The following IFFO1 variants were observed in gnomAD, a reference collection of about 807,000 sequenced individuals.
IFFO1 encodes the protein non-homologous end joining factor IFFO1.
Under a neutral mutation model 59.6 loss-of-function variants are expected in IFFO1, and 42 were observed. The ratio of observed to expected loss-of-function variants is 0.70; its 90% CI spans 0.55 to 0.91. The LOEUF (loss-of-function observed/expected upper bound fraction) is 0.91, where lower values mean the gene tolerates loss of function less well. Among genes scored for constraint, IFFO1 ranks in the 40% least tolerant of loss-of-function variants. IFFO1 has a pLI of 0.00. For missense variants in IFFO1, 711 were observed against 793.2 expected (o/e 0.90, Z 1.24); for synonymous variants, 336 against 342.8 (o/e 0.98, Z 0.22).
chr12:6,547,779 A>AG (rs747155960), intron 8 of IFFO1, among the ~76,000 whole-genome samples: 5 of 151,348 alleles, frequency 3.3e-5, no homozygotes, highest in South Asian at 2.1e-4. Flanking sequence ...AAGGAAGGAA[A>AG]GAAAGGAAAG....
chr12:6,555,170 C>A lies in IFFO1; in HGVS notation c.773+87G>T. 3.0e-6 allele frequency: 4 copies of A among 1,324,586 alleles called. No individual in the cohort carries two copies. The highest frequency in any genetic ancestry group is 4.4e-6 in the Non-Finnish European group (4 of 918,422). 82.1% of individuals were successfully genotyped at this position (1,324,586 alleles called of 1,614,324 possible). A position where few individuals can be genotyped will look rare whatever the true frequency, so the allele number is the denominator to read the frequency against. ...CAAACTTTACTCTCATTCTTTTCAC[C>A]CCTGATTCTTCGGAACCCACACCAA... On this transcript the variant is annotated intron_variant, in intron 1 of 9. Transcript: ENST00000619571. The surrounding 1 kb of genome is among the most constrained non-coding windows in gnomAD (Gnocchi z 8.6).
rs1947133090 is a variant in IFFO1, at chr12:6,549,401, CTG to C, written c.1080+73_1080+74del. 6 of 1,569,274 alleles carry C rather than the reference CTG, an allele frequency of 3.8e-6. No homozygotes were observed. In the South Asian group the frequency reaches 5.6e-5, roughly 15 times the overall value. ...TGCTCAAGAGCCCAGCGGGCCCAAA[CTG>C]AGGGCCAGGAGGCCTAGGCAGCTTA... On this transcript the variant is annotated intron_variant, in intron 5 of 9. Coordinates refer to ENST00000619571, the MANE Select transcript of IFFO1 (RefSeq NM_001193457.2). This position sits in a 1 kb window ranked among gnomAD's most constrained non-coding sequence, Gnocchi z 5.0.
At chr12:6,542,527 G>C (rs1389747191) in intron 8 of IFFO1, among the ~76,000 whole-genome samples, 1 of 152,226 alleles carries the variant, frequency 6.6e-6, no homozygotes, top group Non-Finnish European at 1.5e-5. Flanking sequence ...AAGAGAACGG[G>C]GAGGATACCA....
At position 6,540,564 on chromosome 12, in the gene IFFO1, G is replaced by A. The variant is rs1946659971; in HGVS notation, c.1635C>T (p.Val545=). Residue 545 remains valine, a synonymous_variant, in exon 10 of 10, where the codon GTC becomes GTT. Transcript: ENST00000619571. ...GDRKSPAFTA[V]PLSDPPPPPS... The stretch of plus-strand genomic sequence containing the variant: ...GCGGCGGCGGCGGGTCGCTAAGCGG[G>A]ACCGCAGTGAAAGCAGGAGACTTTC... The A allele has an allele frequency of 3.1e-6, 5 of 1,613,862 alleles. No individual in the cohort carries two copies. The highest frequency in any genetic ancestry group is 4.2e-6 in the Non-Finnish European group (5 of 1,179,994).
rs894141666 is a variant in IFFO1 at position 6,548,272 on chromosome 12, GGAGA to G, written c.1384-116_1384-113del. 348 of 1,352,896 alleles carry G rather than the reference GGAGA, an allele frequency of 2.6e-4. 3 individuals are homozygous for G. In the South Asian group the frequency reaches 2.6e-3, roughly 10 times the overall value. The allele number at this position is 1,352,896 out of a possible 1,614,324, so 83.8% of individuals were successfully genotyped here. On this transcript the variant is annotated intron_variant, in intron 7 of 9. Transcript: ENST00000619571. This position sits in a 1 kb window ranked among gnomAD's most constrained non-coding sequence, Gnocchi z 6.1. Reference sequence around the variant, plus strand: ...GAGAGGAAGTCTGGTTAAAGAAACTGGAGAAAGAAAAGCAAAAGGATAAAGGAAG... The same window carrying G: ...GAGAGGAAGTCTGGTTAAAGAAACTGAAGAAAAGCAAAAGGATAAAGGAAG...
In IFFO1 at chr12:6,548,713, G is replaced by A; in HGVS notation, c.1217C>T (p.Thr406Ile). The A allele has an allele frequency of 1.2e-6, 2 of 1,614,086 alleles. No individual in the cohort carries two copies. The highest frequency in any genetic ancestry group is 4.5e-5 in the East Asian group (2 of 44,874). ...CATCTCCTCGTTGATGCTGAGGGCT[G>A]TGCTCTCCTCCTCATCCCCATCGGG... ...RQPDGDEEES[T>I]ALSINEEMQR... The change falls in exon 6 of 10, where the codon ACA becomes ATA. Residue 406 changes from threonine (T) to isoleucine (I), a missense_variant. Physicochemically the swap from Thr to Ile is moderately conservative, Grantham distance 89. Around this residue, in one of 3 missense-constraint regions of IFFO1, gnomAD observed 579 missense variants for 650.3 expected, o/e 0.89. Transcript: ENST00000619571. The surrounding 1 kb of genome is among the most constrained non-coding windows in gnomAD (Gnocchi z 6.1).
In IFFO1 at chr12:6,548,754, A is replaced by G; in HGVS notation, c.1176T>C (p.Ser392=). 1.9e-6 allele frequency: 3 copies of G among 1,613,628 alleles called. No homozygotes were observed. The highest frequency in any genetic ancestry group is 1.7e-6 in the Non-Finnish European group (2 of 1,179,926). The change falls in exon 6 of 10, where the codon AGT becomes AGC. Residue 392 remains serine (S), a synonymous_variant. Transcript: ENST00000619571. This position sits in a 1 kb window ranked among gnomAD's most constrained non-coding sequence, Gnocchi z 6.1. The part of the protein sequence containing the change: ...AVEEDTSLSE[S]EGPRQPDGDE... ...CCCCATCGGGCTGGCGGGGCCCCTCACTCTCCGACAGGGAGGTGTCCTCCT... is the reference window on the plus strand; with the variant it reads ...CCCCATCGGGCTGGCGGGGCCCCTCGCTCTCCGACAGGGAGGTGTCCTCCT...
At chr12:6,554,926 T>C (rs1947368182) in intron 1 of IFFO1, among the ~76,000 whole-genome samples, 1 of 152,226 alleles carries the variant, frequency 6.6e-6, no homozygotes, top group Admixed American at 6.5e-5. Context: ...ATCCCTAACC[T>C]GCCCCAGGGC....
rs778018590 is a variant in IFFO1, at chr12:6,545,699, G to GGA, written c.1479+2365_1479+2366insTC. On this transcript the variant is annotated intron_variant, in intron 8 of 9. Coordinates refer to ENST00000619571, the MANE Select transcript of IFFO1 (RefSeq NM_001193457.2). Reference sequence around the variant, plus strand: ...GGTGACACAGCGAGACTCCGTCTCGGAAAAAAAAAAAAAAACCTCACTCTA... The same window carrying GGA: ...GGTGACACAGCGAGACTCCGTCTCGGGAAAAAAAAAAAAAAAACCTCACTCTA... 2.0e-3 allele frequency among the ~76,000 whole-genome samples: 274 copies of GGA among 135,384 alleles called. 1 individual carries two copies. The highest frequency in any genetic ancestry group is 7.0e-3 in the African/African-American group (259 of 36,822). 88.8% of individuals were successfully genotyped at this position (135,384 alleles called of 152,430 possible). A position where few individuals can be genotyped will look rare whatever the true frequency, so the allele number is the denominator to read the frequency against.
chr12:6,549,277 C>T lies in IFFO1; in HGVS notation c.1080+199G>A, dbSNP rs886108445. On this transcript the variant is annotated intron_variant, in intron 5 of 9. Transcript: ENST00000619571. This position sits in a 1 kb window ranked among gnomAD's most constrained non-coding sequence, Gnocchi z 5.0. ...TGAATCACATCCAGATCTGGAAAGC[C>T]GGGGGAGAAGGGAGAGAAAGAAATG... 22 of 643,522 alleles carry T rather than the reference C, an allele frequency of 3.4e-5. No individual in the cohort carries two copies. In the East Asian group the frequency reaches 4.1e-4, roughly 12 times the overall value. The allele number at this position is 643,522 out of a possible 1,614,324, so 39.9% of individuals were successfully genotyped here. A position where few individuals can be genotyped will look rare whatever the true frequency, so the allele number is the denominator to read the frequency against.
At chr12:6,546,547 G>A (rs917951432) in intron 8 of IFFO1, among the ~76,000 whole-genome samples, 8 of 152,266 alleles carry the variant, frequency 5.3e-5, no homozygotes, top group East Asian at 1.9e-4. Context: ...GCAGTGGTGC[G>A]ATCTCGGCTC....
rs1946947178 is a variant in IFFO1 at position 6,546,063 on chromosome 12, AAG to A, written c.1479+2000_1479+2001del. On this transcript the variant is annotated intron_variant, in intron 8 of 9. Coordinates refer to ENST00000619571, the MANE Select transcript of IFFO1 (RefSeq NM_001193457.2). ...ATCCGTGAAATTGTAAAGAAGGAAA[AAG>A]AAATTTGTGCCAGTTTTGCTGTCAC... Among the ~76,000 whole-genome samples the A allele has an allele frequency of 2.6e-5, 4 of 152,364 alleles. No homozygotes were observed. The South Asian group carries it at 8.3e-4, about 32-fold the overall frequency.
In IFFO1 at chr12:6,550,421, G is replaced by C. The variant is rs768349221; in HGVS notation, c.930+274C>G. Reference sequence around the variant, plus strand: ...GCTGAGGAATCGGCCCAGCGCCCCGGCGCCAGCTGCAGAGCCTCCACCCCA... The same window carrying C: ...GCTGAGGAATCGGCCCAGCGCCCCGCCGCCAGCTGCAGAGCCTCCACCCCA... On this transcript the variant is annotated intron_variant, in intron 3 of 9. Transcript: ENST00000619571. 182 of 523,834 alleles carry C rather than the reference G, an allele frequency of 3.5e-4. 1 individual carries two copies. Among genetic ancestry groups the C allele is most frequent in the Non-Finnish European group, 4.4e-4 (128 of 290,834 alleles). The allele number at this position is 523,834 out of a possible 1,614,324, so 32.4% of individuals were successfully genotyped here.
chr12:6,554,317 A>G lies in IFFO1; in HGVS notation c.773+940T>C, dbSNP rs114141464. Among the ~76,000 whole-genome samples, 1,363 of 152,152 alleles carry G rather than the reference A, an allele frequency of 9.0e-3. 26 individuals carry two copies. Among genetic ancestry groups the G allele is most frequent in the African/African-American group, 0.031 (1,303 of 41,508 alleles). ...GCCGCCAAACCAAAGCCTGTCAGTC[A>G]CCCGCTCCCTCCTCAAGGCTTGGGT... On this transcript the variant is annotated intron_variant, in intron 1 of 9. Coordinates refer to ENST00000619571, the MANE Select transcript of IFFO1 (RefSeq NM_001193457.2).
At chr12:6,547,756 AAAGGAAGG>A (rs200755694) in intron 8 of IFFO1, among the ~76,000 whole-genome samples, 3 of 149,964 alleles carry the variant, frequency 2.0e-5, no homozygotes, top group East Asian at 2.0e-4. Context: ...AGAGAGAGAG[AAAGGAAGG>A]AAGGAAGGAA....
intron 3 of IFFO1, 126 bp downstream of exon 3, chr12:6,550,569 G>A: frequency 1.5e-6 from 1 of 669,682 alleles, no homozygotes; most frequent in Non-Finnish European, 2.6e-6. Context: ...GGGGAAAAAG[G>A]GAAGGAAAGC....
chr12:6,553,810 G>A (rs936050926), intron 1 of IFFO1, among the ~76,000 whole-genome samples: 7 of 152,030 alleles, frequency 4.6e-5, no homozygotes, highest in Admixed American at 1.3e-4. Context: ...TGTGTTCAAC[G>A]CCACTTCTTG....
chr12:6,555,828 T>C lies in IFFO1; in HGVS notation c.202A>G (p.Asn68Asp). The part of the protein sequence containing the change: ...PAPPAAMALR[N>D]DLGSNINVLK... ...ACGTTGATGTTGGAGCCCAGGTCATTGCGGAGGGCCATGGCGGCAGGCGGG... is the reference window on the plus strand; with the variant it reads ...ACGTTGATGTTGGAGCCCAGGTCATCGCGGAGGGCCATGGCGGCAGGCGGG... Residue 68 changes from asparagine to aspartate, a missense_variant, in exon 1 of 10, where the codon AAT (asparagine) becomes GAT (aspartate). Physicochemically the swap from Asn to Asp is conservative, Grantham distance 23. Transcript: ENST00000619571. The surrounding 1 kb of genome is among the most constrained non-coding windows in gnomAD (Gnocchi z 8.6). 6.2e-7 allele frequency: 1 copy of C among 1,610,902 alleles called. No homozygotes were observed.
intron 1 of IFFO1, among the ~76,000 whole-genome samples, chr12:6,552,522 C>T (rs1947275124): frequency 6.6e-6 from 1 of 152,220 alleles, no homozygotes; most frequent in South Asian, 2.1e-4. Flanking sequence ...CTTATCTTTT[C>T]TGGGTCTTGG....
Sources: gnomAD v4.1 joint callset for allele counts (sites outside exome capture counted in the v4.1 genomes callset) on GRCh38, gnomAD v4.1.1 for gene constraint, gnomAD v4.1.1 regional missense constraint, Gnocchi (gnomAD v3.1) non-coding constraint, MANE v1.5 for transcripts, NCBI Gene and HGNC (gene_info 2026-07-23, HGNC 2026-07-21) for gene names.